Variants in SLC8A1 observed in about 807,000 individuals in gnomAD.
SLC8A1 encodes solute carrier family 8 member A1.
SLC8A1 carries 18 observed loss-of-function variants against 68.3 expected under a neutral mutation model. The observed-to-expected ratio is 0.26, with a 90% CI of 0.18 to 0.39. SLC8A1 has a LOEUF of 0.39. Ranked by LOEUF, SLC8A1 falls within the 10% of genes least tolerant of loss-of-function variation. The pLI, the probability that SLC8A1 is intolerant of heterozygous loss-of-function variation, is 1.00. For missense variants in SLC8A1, 985 were observed against 1,156.7 expected (o/e 0.85, Z 2.15); for synonymous variants, 475 against 415.5 (o/e 1.14, Z -1.74).
intron 1 of SLC8A1, among the ~76,000 whole-genome samples, chr2:40,510,453 A>T (rs1706646625): frequency 6.6e-6 from 1 of 152,220 alleles, no homozygotes; most frequent in South Asian, 2.1e-4. Context: ...AAACGAGAAG[A>T]TAGTAGCTGA....
chr2:40,099,442 C>G (rs1037653199), exon 8 of SLC8A1: 1 of 151,994 alleles, frequency 6.6e-6, no homozygotes, highest in Non-Finnish European at 1.5e-5. Context: ...TTAGAAATAA[C>G]CGTAGACATG....
chr2:40,180,661 A>T (rs1054831577), intron 2 of SLC8A1, among the ~76,000 whole-genome samples: 2 of 152,222 alleles, frequency 1.3e-5, no homozygotes, highest in Admixed American at 6.5e-5. Flanking sequence ...CCTCATTGTG[A>T]GAGTCACGTT....
intron 7 of SLC8A1, chr2:40,118,178 G>A (rs7594504): frequency 0.81 from 122,720 of 152,210 alleles, 50,694 homozygotes; most frequent in East Asian, 0.99. Flanking sequence ...AAACTGTGAC[G>A]TTGTGATATT....
At chr2:40,433,618 A>C (rs1356651585) in intron 1 of SLC8A1, among the ~76,000 whole-genome samples, 1 of 152,196 alleles carries the variant, frequency 6.6e-6, no homozygotes, top group African/African-American at 2.4e-5. Context: ...AATCCTAAAT[A>C]GTAGGTACTA....
intron 2 of SLC8A1, among the ~76,000 whole-genome samples, chr2:40,281,194 A>C (rs372846491): frequency 1.3e-5 from 2 of 152,168 alleles, no homozygotes; most frequent in Non-Finnish European, 2.9e-5. Flanking sequence ...GGGCAGAAGA[A>C]AGTCTTAGCT....
At chr2:40,232,042 A>C (rs190049557) in intron 2 of SLC8A1, among the ~76,000 whole-genome samples, 95 of 152,256 alleles carry the variant, frequency 6.2e-4, no homozygotes, top group African/African-American at 2.1e-3. Context: ...CCTAAGATGA[A>C]GCAGGCCAGG....
chr2:40,453,627 G>T (rs1702811671), upstream of SLC8A1, among the ~76,000 whole-genome samples: 1 of 152,188 alleles, frequency 6.6e-6, no homozygotes, highest in South Asian at 2.1e-4. Context: ...CTCTCTGCAG[G>T]TGGGCCCCAG....
chr2:40,454,081 T>C (rs749668694), upstream of SLC8A1, among the ~76,000 whole-genome samples: 2 of 152,180 alleles, frequency 1.3e-5, no homozygotes, highest in African/African-American at 2.4e-5. Context: ...CACTGTCTCT[T>C]TTAGAATATG....
At chr2:40,136,808 T>A (rs942977187) in intron 7 of SLC8A1, among the ~76,000 whole-genome samples, 2 of 152,298 alleles carry the variant, frequency 1.3e-5, no homozygotes, top group South Asian at 4.1e-4. Flanking sequence ...TCCAACAGCC[T>A]GTTCAATTTT....
At chr2:40,504,263 G>T (rs1349562081) in intron 1 of SLC8A1, among the ~76,000 whole-genome samples, 1 of 151,978 alleles carries the variant, frequency 6.6e-6, no homozygotes, top group Non-Finnish European at 1.5e-5. Flanking sequence ...ATATGTAGAA[G>T]AATGAAACTG....
chr2:40,152,664 C>T (rs2043670572), intron 6 of SLC8A1, among the ~76,000 whole-genome samples: 1 of 151,762 alleles, frequency 6.6e-6, no homozygotes, highest in Non-Finnish European at 1.5e-5. Flanking sequence ...GATCCACCAG[C>T]CTCAGCCTCC....
At chr2:40,354,425 G>A (rs1361081137) in intron 2 of SLC8A1, among the ~76,000 whole-genome samples, 1 of 152,124 alleles carries the variant, frequency 6.6e-6, no homozygotes, top group Non-Finnish European at 1.5e-5. Flanking sequence ...GCTGACCTAT[G>A]TAAGAGGTCA....
intron 2 of SLC8A1, among the ~76,000 whole-genome samples, chr2:40,294,017 G>A (rs1038507774): frequency 3.3e-5 from 5 of 152,072 alleles, no homozygotes; most frequent in African/African-American, 1.2e-4. Flanking sequence ...TCAGTTTAAA[G>A]TTTTCAATAA....
chr2:40,217,589 C>T (rs2057692614), intron 2 of SLC8A1, among the ~76,000 whole-genome samples: 1 of 152,096 alleles, frequency 6.6e-6, no homozygotes, highest in South Asian at 2.1e-4. Context: ...CTTCCTAATG[C>T]TGCTTTTGGT....
chr2:40,242,700 A>G (rs1042138571), intron 2 of SLC8A1, among the ~76,000 whole-genome samples: 2 of 152,234 alleles, frequency 1.3e-5, no homozygotes, highest in African/African-American at 4.8e-5. Flanking sequence ...ACCAAAATCC[A>G]GAGATTTTAA....
intron 2 of SLC8A1, among the ~76,000 whole-genome samples, chr2:40,223,034 T>C (rs764381747): frequency 1.3e-5 from 2 of 152,128 alleles, no homozygotes; most frequent in Non-Finnish European, 2.9e-5. Flanking sequence ...ATCCAAAGGA[T>C]TATAAATCAT....
intron 2 of SLC8A1, among the ~76,000 whole-genome samples, chr2:40,322,962 AAAG>A (rs2075383928): frequency 6.6e-6 from 1 of 152,114 alleles, no homozygotes. Context: ...GTTGTTCAGA[AAAG>A]AAGAGGCATA....
intron 6 of SLC8A1, 34 bp from the exon 10 acceptor site, chr2:40,139,710 A>G: frequency 6.3e-7 from 1 of 1,595,598 alleles, no homozygotes; most frequent in East Asian, 2.2e-5. Context: ...ATTTCATCAC[A>G]ACCTGTGTTG....
intron 1 of SLC8A1, among the ~76,000 whole-genome samples, chr2:40,495,501 A>T (rs780118013): frequency 2.0e-5 from 3 of 152,086 alleles, no homozygotes; most frequent in Non-Finnish European, 4.4e-5. Context: ...GGACAATTTA[A>T]GTAAAATTGA....
Sources: gnomAD v4.1 joint callset for allele counts (sites outside exome capture counted in the v4.1 genomes callset) on GRCh38, gnomAD v4.1.1 for gene constraint, MANE v1.5 for transcripts, NCBI Gene and HGNC (gene_info 2026-07-23, HGNC 2026-07-21) for gene names.